The following PIK3C2G variants were observed in gnomAD, a reference collection of about 807,000 sequenced individuals.
PIK3C2G encodes phosphatidylinositol-4-phosphate 3-kinase catalytic subunit type 2 gamma, also known as phosphatidylinositol 3-kinase C2 domain-containing subunit gamma.
PIK3C2G carries 168 observed loss-of-function variants against 181.1 expected under a neutral mutation model. That is an observed-to-expected ratio of 0.93 (90% CI 0.82 to 1.05). PIK3C2G has a LOEUF of 1.05. Ranked by LOEUF, PIK3C2G falls within the 50% of genes least tolerant of loss-of-function variation. The pLI is 0.00. For synonymous variants in PIK3C2G, 573 were observed against 592.2 expected (o/e 0.97, Z 0.47); for missense variants, 1,869 against 1,732.8 (o/e 1.08, Z -1.40).
the PIK3C2G span, among the ~76,000 whole-genome samples, chr12:18,695,604 C>A: frequency 1.5e-4 from 23 of 152,146 alleles, no homozygotes; most frequent in African/African-American, 5.5e-4. Flanking sequence ...CCCAATATCC[C>A]CCCTCCTCAC....
At chr12:18,584,946 C>T (rs565064260) in intron 29 of PIK3C2G, among the ~76,000 whole-genome samples, 24 of 152,212 alleles carry the variant, frequency 1.6e-4, no homozygotes, top group African/African-American at 5.3e-4. Flanking sequence ...CCAAATTAAG[C>T]TTTCTCAGTG....
intron 11 of PIK3C2G, 136 bp from the exon 12 acceptor site, chr12:18,362,628 C>T (rs1317216770): frequency 6.4e-6 from 4 of 621,332 alleles, no homozygotes; most frequent in African/African-American, 1.9e-5. Context: ...ATTCTTAAAG[C>T]AATTTTTAAA....
intron 30 of PIK3C2G, among the ~76,000 whole-genome samples, chr12:18,603,075 A>G (rs1021478251): frequency 6.6e-6 from 1 of 152,256 alleles, no homozygotes; most frequent in African/African-American, 2.4e-5. Flanking sequence ...TAAGCTAATC[A>G]GGGAAAGACC....
rs12310236 is a variant in PIK3C2G at position 18,372,291 on chromosome 12, A to G, written c.1880+980A>G. On this transcript the variant is annotated intron_variant, in intron 13 of 32. Transcript: ENST00000538779. ...TTCTATACCATTGTTCCTTGAGGAC[A>G]GGGAATGTATTTATCTTTGTCATAT... is the stretch of plus-strand genomic sequence containing the variant. Among the ~76,000 whole-genome samples the G allele has an allele frequency of 2.8e-3, 424 of 152,148 alleles. 1 individual carries two copies. The highest frequency in any genetic ancestry group is 9.4e-3 in the African/African-American group (392 of 41,538).
At chr12:18,428,012 A>C (rs1164258846) in intron 18 of PIK3C2G, among the ~76,000 whole-genome samples, 1 of 152,106 alleles carries the variant, frequency 6.6e-6, no homozygotes, top group African/African-American at 2.4e-5. Flanking sequence ...TATTGTGCAG[A>C]TTATTTCATC....
At chr12:18,447,213 T>G (rs181216157) in intron 18 of PIK3C2G, among the ~76,000 whole-genome samples, 2 of 152,284 alleles carry the variant, frequency 1.3e-5, no homozygotes, top group African/African-American at 4.8e-5. Flanking sequence ...GAGTGGCAGT[T>G]CCACAATATG....
chr12:18,685,619 T>C, the PIK3C2G span: 3 of 516,568 alleles, frequency 5.8e-6, no homozygotes, highest in Non-Finnish European at 1.2e-5. Flanking sequence ...AATAGTAAAC[T>C]AATTGGCTCA....
At chr12:18,693,061 A>G in the PIK3C2G span, 3 of 1,487,442 alleles carry the variant, frequency 2.0e-6, no homozygotes, top group South Asian at 2.3e-5. Context: ...CAAGAAGGGA[A>G]AAGATCAAAA....
intron 18 of PIK3C2G, among the ~76,000 whole-genome samples, chr12:18,478,436 C>T (rs930277107): frequency 1.2e-4 from 18 of 152,124 alleles, no homozygotes; most frequent in Admixed American, 7.9e-4. Flanking sequence ...CAGTGTATTG[C>T]TTTCAATGTG....
At chr12:18,701,690 AC>A in the PIK3C2G span, 1 of 1,610,488 alleles carries the variant, frequency 6.2e-7, no homozygotes, top group Non-Finnish European at 8.5e-7. Context: ...CCTCCACCTT[AC>A]CACGCTTATC....
chr12:18,585,469 T>C (rs1381593699), intron 29 of PIK3C2G, among the ~76,000 whole-genome samples: 1 of 148,954 alleles, frequency 6.7e-6, no homozygotes, highest in Non-Finnish European at 1.5e-5. Flanking sequence ...TACATAATGG[T>C]AAAGCATTGA....
upstream of PIK3C2G, among the ~76,000 whole-genome samples, chr12:18,257,977 C>T (rs1177985237): frequency 1.3e-5 from 2 of 152,146 alleles, no homozygotes; most frequent in Non-Finnish European, 2.9e-5. Flanking sequence ...CTCATCCTGA[C>T]TCTCGGCTGC....
chr12:18,319,693 C>G (rs1951021054), intron 6 of PIK3C2G, among the ~76,000 whole-genome samples: 1 of 152,130 alleles, frequency 6.6e-6, no homozygotes, highest in Non-Finnish European at 1.5e-5. Flanking sequence ...TTGGTTTTAA[C>G]TTCTGAAAGA....
intron 8 of PIK3C2G, among the ~76,000 whole-genome samples, chr12:18,325,419 G>A (rs531007869): frequency 6.6e-6 from 1 of 152,206 alleles, no homozygotes; most frequent in South Asian, 2.1e-4. Flanking sequence ...AGGAAGGTGG[G>A]GAGTAGAGAT....
intron 26 of PIK3C2G, among the ~76,000 whole-genome samples, chr12:18,548,313 G>A (rs12813137): frequency 0.17 from 25,670 of 151,980 alleles, 2,284 homozygotes; most frequent in South Asian, 0.24. Flanking sequence ...TTCGAGATGT[G>A]TCATTGTGTG....
At chr12:18,536,952 C>T (rs560113553) in intron 24 of PIK3C2G, among the ~76,000 whole-genome samples, 3 of 151,972 alleles carry the variant, frequency 2.0e-5, no homozygotes, top group Non-Finnish European at 4.4e-5. Context: ...CCAGCCTTTC[C>T]TCCAGGCATT....
intron 26 of PIK3C2G, among the ~76,000 whole-genome samples, chr12:18,559,779 TATATATATATATATATATATATA>T (rs1945205766): frequency 2.8e-5 from 1 of 35,864 alleles, no homozygotes; most frequent in Non-Finnish European, 4.4e-5. Flanking sequence ...TATGAAATTA[TATATATATATATATATATATATA>T]TATATATATA....
At chr12:18,668,974 T>C in the PIK3C2G span, among the ~76,000 whole-genome samples, 1 of 151,994 alleles carries the variant, frequency 6.6e-6, no homozygotes, top group Admixed American at 6.6e-5. Flanking sequence ...AGAGAGAAGC[T>C]CCAGGTGTGT....
the PIK3C2G span, among the ~76,000 whole-genome samples, chr12:18,716,085 G>C: frequency 6.6e-6 from 1 of 152,268 alleles, no homozygotes; most frequent in African/African-American, 2.4e-5. Context: ...AGTTGGAGAA[G>C]AAACAATGTT....
Sources: gnomAD v4.1 joint callset for allele counts (sites outside exome capture counted in the v4.1 genomes callset) on GRCh38, gnomAD v4.1.1 for gene constraint, MANE v1.5 for transcripts, NCBI Gene and HGNC (gene_info 2026-07-23, HGNC 2026-07-21) for gene names.